ARB2A: variants seen among roughly 807,000 people sequenced by gnomAD.
The protein encoded by ARB2A is ARB2 cotranscriptional regulator A, also known as cotranscriptional regulator ARB2A.
chr5:93,931,186 C>T, the ARB2A span, among the ~76,000 whole-genome samples: 8 of 152,128 alleles, frequency 5.3e-5, no homozygotes, highest in Non-Finnish European at 1.0e-4. Flanking sequence ...GAAAACCCCA[C>T]CGGGCGCAGT....
chr5:93,810,238 A>G, the ARB2A span, among the ~76,000 whole-genome samples: 709 of 149,372 alleles, frequency 4.7e-3, 5 homozygotes, highest in African/African-American at 0.017. Flanking sequence ...AGTGTGTGTC[A>G]TGGGTAAATT....
the ARB2A span, among the ~76,000 whole-genome samples, chr5:93,763,114 G>C: frequency 2.0e-5 from 3 of 151,974 alleles, no homozygotes; most frequent in Non-Finnish European, 4.4e-5. Flanking sequence ...AAAGACCATC[G>C]AGACTAGGAA....
At chr5:93,877,947 A>G in the ARB2A span, among the ~76,000 whole-genome samples, 1 of 152,296 alleles carries the variant, frequency 6.6e-6, no homozygotes, top group Non-Finnish European at 1.5e-5. Flanking sequence ...GGTCAGGTTG[A>G]AACATTTCCA....
chr5:93,781,771 T>C, the ARB2A span: 9 of 451,208 alleles, frequency 2.0e-5, no homozygotes, highest in Admixed American at 1.3e-4. Flanking sequence ...ATTTCTCTGA[T>C]GATTAGTGAT....
chr5:93,782,668 T>C, the ARB2A span, among the ~76,000 whole-genome samples: 1 of 152,150 alleles, frequency 6.6e-6, no homozygotes, highest in Non-Finnish European at 1.5e-5. Flanking sequence ...CCAAGAACTG[T>C]GCTATTTCTT....
the ARB2A span, among the ~76,000 whole-genome samples, chr5:93,658,541 C>T: frequency 6.6e-6 from 1 of 151,816 alleles, no homozygotes; most frequent in African/African-American, 2.4e-5. Context: ...TGGTAGTTAA[C>T]AAAAAAGATG....
chr5:93,789,855 A>G, the ARB2A span, among the ~76,000 whole-genome samples: 2 of 152,212 alleles, frequency 1.3e-5, no homozygotes, highest in Non-Finnish European at 2.9e-5. Flanking sequence ...TGATTCTGTT[A>G]TCTTAGGCAC....
the ARB2A span, among the ~76,000 whole-genome samples, chr5:93,852,874 G>GA: frequency 3.3e-5 from 5 of 152,284 alleles, 1 homozygote; most frequent in South Asian, 1.0e-3. Flanking sequence ...AGTATAGTTT[G>GA]AAGTCAGGTA....
At chr5:94,067,729 T>A in the ARB2A span, among the ~76,000 whole-genome samples, 3 of 152,182 alleles carry the variant, frequency 2.0e-5, no homozygotes, top group East Asian at 5.8e-4. Context: ...AATAATTCAA[T>A]GACCATACTG....
At chr5:93,712,614 A>G in the ARB2A span, among the ~76,000 whole-genome samples, 1 of 152,236 alleles carries the variant, frequency 6.6e-6, no homozygotes, top group Non-Finnish European at 1.5e-5. Flanking sequence ...CAGAATCAAT[A>G]TGCAAAAATC....
the ARB2A span, among the ~76,000 whole-genome samples, chr5:93,779,575 T>A: frequency 2.6e-5 from 4 of 152,192 alleles, no homozygotes; most frequent in African/African-American, 9.7e-5. Context: ...ACAAGGTATG[T>A]TGAACTCAAG....
chr5:93,969,613 A>C, the ARB2A span, among the ~76,000 whole-genome samples: 1 of 152,132 alleles, frequency 6.6e-6, no homozygotes, highest in Admixed American at 6.5e-5. Context: ...TTAAAAGGAG[A>C]GCAGGGGTGA....
At chr5:93,907,587 T>G in the ARB2A span, among the ~76,000 whole-genome samples, 2 of 151,456 alleles carry the variant, frequency 1.3e-5, no homozygotes, top group Admixed American at 1.3e-4. Context: ...ATCATAAAAA[T>G]GAATCATTTA....
At chr5:94,022,025 C>T in the ARB2A span, among the ~76,000 whole-genome samples, 7 of 152,070 alleles carry the variant, frequency 4.6e-5, no homozygotes, top group African/African-American at 1.7e-4. Context: ...GAGCCAAGAT[C>T]GTGCCACTGT....
chr5:93,816,711 C>G, the ARB2A span, among the ~76,000 whole-genome samples: 3 of 152,114 alleles, frequency 2.0e-5, no homozygotes, highest in African/African-American at 7.2e-5. Flanking sequence ...AAATTTTTCT[C>G]CACTTCAGCA....
chr5:94,084,991 T>C, the ARB2A span, among the ~76,000 whole-genome samples: 4 of 152,246 alleles, frequency 2.6e-5, no homozygotes, highest in South Asian at 2.1e-4. Context: ...TTTACACTTA[T>C]TAGAAAAAAT....
At chr5:94,066,755 T>A in the ARB2A span, among the ~76,000 whole-genome samples, 1 of 152,090 alleles carries the variant, frequency 6.6e-6, no homozygotes, top group Non-Finnish European at 1.5e-5. Flanking sequence ...CTACCAAATG[T>A]CTAAAGAAAA....
the ARB2A span, among the ~76,000 whole-genome samples, chr5:93,771,022 G>A: frequency 4.6e-5 from 7 of 152,214 alleles, no homozygotes; most frequent in African/African-American, 1.7e-4. Context: ...AAAAAACAAA[G>A]CTGGAGGCAT....
the ARB2A span, among the ~76,000 whole-genome samples, chr5:93,794,938 C>A: frequency 6.6e-6 from 1 of 152,156 alleles, no homozygotes; most frequent in Non-Finnish European, 1.5e-5. Context: ...GTTCTATAGG[C>A]AGGATCTAAA....
Sources: allele counts gnomAD v4.1 joint callset (sites outside exome capture counted in the v4.1 genomes callset), GRCh38; gene constraint gnomAD v4.1.1; transcripts MANE v1.5; gene names NCBI Gene and HGNC (gene_info 2026-07-23, HGNC 2026-07-21).